The following MAGED2 variants were observed in gnomAD, a reference collection of about 807,000 sequenced individuals.
MAGED2 encodes the protein MAGE family member D2.
Under a neutral mutation model 41.7 loss-of-function variants are expected in MAGED2, and 6 were observed. The observed-to-expected ratio is 0.14, with a 90% CI of 0.08 to 0.28. The LOEUF (loss-of-function observed/expected upper bound fraction) is 0.28, where lower values mean the gene tolerates loss of function less well. Among genes scored for constraint, MAGED2 ranks in the 10% least tolerant of loss-of-function variants. The pLI is 1.00. For missense variants in MAGED2, 343 were observed against 486.4 expected, an observed-to-expected ratio of 0.71 and a Z score of 2.77; for synonymous variants, 146 against 178.2, an observed-to-expected ratio of 0.82 and a Z score of 1.44.
At chrX:54,808,990 G>GGGGCTGAGAGCGGCCC (rs1364699322) in intron 1 of MAGED2, 28 of 311,333 alleles carry the variant, frequency 9.0e-5, no homozygotes, top group Non-Finnish European at 1.5e-4. Context: ...GAAAGCGGGC[G>GGGGCTGAGAGCGGCCC]GGGCTGAGAG....
Position 54,811,676 on chromosome X carries a change from TG to T in MAGED2, c.990+26del, listed in dbSNP as rs765794167. 36 of 1,109,624 alleles carry T rather than the reference TG, an allele frequency of 3.2e-5. No individual in the cohort carries two copies. The South Asian group carries it at 6.4e-4, about 20-fold the overall frequency. The allele number at this position is 1,109,624 out of a possible 1,213,427, so 91.4% of individuals were successfully genotyped here. A position where few individuals can be genotyped will look rare whatever the true frequency, so the allele number is the denominator to read the frequency against. On this transcript the variant is annotated intron_variant, in intron 6 of 12. Coordinates refer to ENST00000375068, the MANE Select transcript of MAGED2 (RefSeq NM_177433.3). ...AAGGTGAAGGGGCAGCCCTGGGGGA[TG>T]GGCACAGTGGGGAAGCCTTGAATTG... is the stretch of plus-strand genomic sequence containing the variant.
chrX:54,815,837 G>A, intron 12 of MAGED2, 44 bp from the exon 13 acceptor site: 1 of 442,728 alleles, frequency 2.3e-6, no homozygotes, highest in East Asian at 3.7e-5. Flanking sequence ...TCTGTTTGCT[G>A]GATGTCAATT....
chrX:54,814,230 A>G, intron 10 of MAGED2: 2 of 292,338 alleles, frequency 6.8e-6, no homozygotes, highest in Admixed American at 7.9e-5. Flanking sequence ...ATGTGCACAC[A>G]GAAACACACA....
chrX:54,810,648 A>T (rs1321849631), intron 3 of MAGED2, among the ~76,000 whole-genome samples, 173 bp from the exon 4 acceptor site: 2 of 111,944 alleles, frequency 1.8e-5, no homozygotes, highest in African/African-American at 6.5e-5. Context: ...CAGATGAAAC[A>T]CCTGCTTGGA....
In MAGED2 at chrX:54,810,025, A is replaced by T; in HGVS notation, c.349A>T (p.Thr117Ser). Residue 117 changes from threonine to serine, a missense_variant, in exon 3 of 13, where the codon ACA becomes TCA. By Grantham distance (58) the Thr-to-Ser change is moderately conservative. Coordinates refer to ENST00000375068, the MANE Select transcript of MAGED2 (RefSeq NM_177433.3). ...KKQNADPQAV[T>S]MPATETKKVS... Reference sequence around the variant, plus strand: ...ACAGAATGCTGACCCGCAGGCTGTGACAATGCCTGCCACTGAGACCAAAAA... The same window carrying T: ...ACAGAATGCTGACCCGCAGGCTGTGTCAATGCCTGCCACTGAGACCAAAAA... 1 of 1,208,110 alleles carries T rather than the reference A, an allele frequency of 8.3e-7. No individual in the cohort carries two copies. Among genetic ancestry groups the T allele is most frequent in the Non-Finnish European group, 1.1e-6 (1 of 893,601 alleles).
In MAGED2 at chrX:54,814,652, C is replaced by T. The variant is rs760621944; in HGVS notation, c.1272-9C>T. ...TTAGAAATAAAGGCTTTGAACCTCTCTTTCCAAGGTACCTGGACTATGCCA... is the reference window on the plus strand; with the variant it reads ...TTAGAAATAAAGGCTTTGAACCTCTTTTTCCAAGGTACCTGGACTATGCCA... On this transcript the variant is annotated splice_polypyrimidine_tract_variant and intron_variant, in intron 10 of 12. Transcript: ENST00000375068. The T allele has an allele frequency of 1.8e-6, 2 of 1,140,757 alleles. No individual in the cohort carries two copies. Among genetic ancestry groups the T allele is most frequent in the Non-Finnish European group, 1.2e-6 (1 of 830,572 alleles). The allele number at this position is 1,140,757 out of a possible 1,213,427, so 94.0% of individuals were successfully genotyped here. A position where few individuals can be genotyped will look rare whatever the true frequency, so the allele number is the denominator to read the frequency against.
rs1929958510 is a variant in MAGED2, at chrX:54,815,955, G to A, written c.*83G>A. ...GAAACCTACTCAACACAGCACTCTAGGCAGCCACTATCAATCAATTGAAGT... is the reference window on the plus strand; with the variant it reads ...GAAACCTACTCAACACAGCACTCTAAGCAGCCACTATCAATCAATTGAAGT... On this transcript the variant is annotated 3_prime_UTR_variant, in exon 13 of 13. Transcript: ENST00000375068. The A allele has an allele frequency of 6.5e-6, 2 of 306,699 alleles. No homozygotes were observed. Among genetic ancestry groups the A allele is most frequent in the Non-Finnish European group, 1.1e-5 (2 of 177,299 alleles). The allele number at this position is 306,699 out of a possible 1,213,427, so 25.3% of individuals were successfully genotyped here. A position where few individuals can be genotyped will look rare whatever the true frequency, so the allele number is the denominator to read the frequency against.
At chrX:54,813,584 T>A in intron 10 of MAGED2, 34 bp downstream of exon 10, 3 of 1,133,196 alleles carry the variant, frequency 2.6e-6, no homozygotes, top group Non-Finnish European at 3.6e-6. Flanking sequence ...ATGTGTCCCA[T>A]GCATTTGGCC....
rs775669639 is a variant in MAGED2 at position 54,815,228 on chromosome X, G to C, written c.1387-20G>C. 50 of 1,140,181 alleles carry C rather than the reference G, an allele frequency of 4.4e-5. No homozygotes were observed. The highest frequency in any genetic ancestry group is 5.8e-5 in the Non-Finnish European group (50 of 861,972). 94.0% of individuals were successfully genotyped at this position (1,140,181 alleles called of 1,213,427 possible). ...GGCTTAATCCCTCTATGCTCCTTCTGATGGTTATTTTTGTTTCAGGTACAA... is the reference window on the plus strand; with the variant it reads ...GGCTTAATCCCTCTATGCTCCTTCTCATGGTTATTTTTGTTTCAGGTACAA... On this transcript the variant is annotated intron_variant, in intron 11 of 12. Coordinates refer to ENST00000375068, the MANE Select transcript of MAGED2 (RefSeq NM_177433.3).
chrX:54,811,469 C>A, intron 5 of MAGED2, 105 bp from the exon 6 acceptor site: 1 of 877,685 alleles, frequency 1.1e-6, no homozygotes, highest in Non-Finnish European at 1.7e-6. Context: ...AGCACAGAAC[C>A]GGGTTATGCC....
Position 54,811,234 on chromosome X carries a change from T to G in MAGED2, c.847-16T>G, listed in dbSNP as rs755611413. 1 of 1,210,261 alleles carries G rather than the reference T, an allele frequency of 8.3e-7. No homozygotes were observed. Among genetic ancestry groups the G allele is most frequent in the African/African-American group, 1.7e-5 (1 of 57,889 alleles). On this transcript the variant is annotated splice_polypyrimidine_tract_variant and intron_variant, in intron 4 of 12. Coordinates refer to ENST00000375068, the MANE Select transcript of MAGED2 (RefSeq NM_177433.3). ...CAAACTTGTTTTGGTCTTTCCATCT[T>G]TTTCTACTCTGCCAGGCAAATGATT... is the stretch of plus-strand genomic sequence containing the variant.
In MAGED2 at chrX:54,815,255, A is replaced by G. The variant is rs943874968; in HGVS notation, c.1394A>G (p.Lys465Arg). 7 of 1,143,858 alleles carry G rather than the reference A, an allele frequency of 6.1e-6. No individual in the cohort carries two copies. Among genetic ancestry groups the G allele is most frequent in the Non-Finnish European group, 8.1e-6 (7 of 864,271 alleles). The allele number at this position is 1,143,858 out of a possible 1,213,427, so 94.3% of individuals were successfully genotyped here. Residue 465 changes from lysine (K) to arginine (R), a missense_variant, in exon 12 of 13, where the codon AAG (lysine) becomes AGG (arginine). This residue lies in a region of MAGED2 where 95 missense variants were observed against 204.8 expected (regional missense o/e 0.46). Transcript: ENST00000375068. ...TGGTTATTTTTGTTTCAGGTACAAA[A>G]GAAGGATCCCAAGGAATGGGCAGCT... The part of the protein sequence containing the change: ...KVLKFACKVQ[K>R]KDPKEWAAQY...
At chrX:54,808,553 G>A (rs1484738486) in intron 1 of MAGED2, 1 of 113,247 alleles carries the variant, frequency 8.8e-6, no homozygotes, top group East Asian at 2.8e-4. Context: ...GCTGGGAAGG[G>A]AGGGGACTGG....
chrX:54,814,596 C>G (rs925200619), intron 10 of MAGED2, 65 bp from the exon 11 acceptor site: 7 of 675,491 alleles, frequency 1.0e-5, no homozygotes, highest in Admixed American at 2.2e-5. Context: ...GGAGCCTGTC[C>G]AGTCTATGCA....
intron 10 of MAGED2, among the ~76,000 whole-genome samples, chrX:54,813,991 G>T (rs778325782): frequency 8.9e-6 from 1 of 112,384 alleles, no homozygotes; most frequent in African/African-American, 3.2e-5. Context: ...AGGCAACCAG[G>T]TACCATGCTG....
intron 3 of MAGED2, among the ~76,000 whole-genome samples, chrX:54,810,423 C>T (rs1256958695): frequency 1.8e-5 from 2 of 112,236 alleles, no homozygotes; most frequent in Admixed American, 9.4e-5. Context: ...ATAGTAGCTG[C>T]CCTGTATTAG....
chrX:54,810,116 A>C lies in MAGED2; in HGVS notation c.440A>C (p.Gln147Pro). 1 of 1,204,768 alleles carries C rather than the reference A, an allele frequency of 8.3e-7. No homozygotes were observed. Among genetic ancestry groups the C allele is most frequent in the Non-Finnish European group, 1.1e-6 (1 of 891,472 alleles). Reference sequence around the variant, plus strand: ...CAGGAGACTGAGGCTGCACCCTCTCAGGCCCCAGCAGATGAACCTGAGCCT... The same window carrying C: ...CAGGAGACTGAGGCTGCACCCTCTCCGGCCCCAGCAGATGAACCTGAGCCT... ...KAQETEAAPS[Q>P]APADEPEPES... is the part of the protein sequence containing the mutation. Residue 147 changes from glutamine (Q) to proline (P), a missense_variant, in exon 3 of 13, where the codon CAG becomes CCG. By Grantham distance (76) the Gln-to-Pro change is moderately conservative. This residue lies in a region of MAGED2 where 195 missense variants were observed against 221.2 expected (regional missense o/e 0.88). Coordinates refer to ENST00000375068, the MANE Select transcript of MAGED2 (RefSeq NM_177433.3).
At chrX:54,814,999 T>G (rs1305142997) in intron 11 of MAGED2, among the ~76,000 whole-genome samples, 3 of 112,022 alleles carry the variant, frequency 2.7e-5, no homozygotes, top group Non-Finnish European at 3.8e-5. Flanking sequence ...GAAAGGTTGG[T>G]AGGTGACATG....
At position 54,809,368 on chromosome X, in the gene MAGED2, C is replaced by T; in HGVS notation, c.37C>T (p.Arg13Cys). Residue 13 changes from arginine to cysteine, a missense_variant, in exon 2 of 13, where the codon CGC becomes TGC. Around this residue, in one of 3 missense-constraint regions of MAGED2, gnomAD observed 195 missense variants for 221.2 expected, o/e 0.88. Coordinates refer to ENST00000375068, the MANE Select transcript of MAGED2 (RefSeq NM_177433.3). ...DTSESGAGLTRFQAEASEKDS... is the reference protein window; with the variant it reads ...DTSESGAGLTCFQAEASEKDS... ...AAGCGAGAGTGGTGCAGGTCTAACTCGCTTCCAGGTAAGGCCTCTTTCTGT... is the reference window on the plus strand; with the variant it reads ...AAGCGAGAGTGGTGCAGGTCTAACTTGCTTCCAGGTAAGGCCTCTTTCTGT... 1 of 1,209,592 alleles carries T rather than the reference C, an allele frequency of 8.3e-7. No individual in the cohort carries two copies. The highest frequency in any genetic ancestry group is 1.8e-5 in the South Asian group (1 of 56,921).
Sources: allele counts gnomAD v4.1 joint callset (sites outside exome capture counted in the v4.1 genomes callset), GRCh38; gene constraint gnomAD v4.1.1; regional missense constraint gnomAD v4.1.1; transcripts MANE v1.5; gene names NCBI Gene and HGNC (gene_info 2026-07-23, HGNC 2026-07-21).